ENOX2: variants seen among roughly 807,000 people sequenced by gnomAD.
The protein encoded by ENOX2 is APK1 antigen.
A neutral mutation model predicts 45.0 loss-of-function variants in ENOX2; 36 were observed. The ratio of observed to expected loss-of-function variants is 0.80; its 90% CI spans 0.61 to 1.06. The LOEUF is 1.06. Among genes scored for constraint, ENOX2 ranks in the 50% least tolerant of loss-of-function variants. The probability of loss-of-function intolerance (pLI) is 0.00; values close to 1 mark genes in which losing one functional copy is unlikely to be tolerated. For missense variants in ENOX2, 423 were observed against 462.5 expected (o/e 0.91, Z 0.78); for synonymous variants, 174 against 152.3 (o/e 1.14, Z -1.05).
intron 10 of ENOX2, among the ~76,000 whole-genome samples, chrX:130,647,524 C>T (rs1359012463): frequency 9.0e-6 from 1 of 111,415 alleles, no homozygotes; most frequent in Admixed American, 9.5e-5. Flanking sequence ...ATAAAGCACT[C>T]CCCATTTTTC....
At chrX:130,848,749 T>C (rs985864710) in intron 2 of ENOX2, among the ~76,000 whole-genome samples, 18 of 111,277 alleles carry the variant, frequency 1.6e-4, no homozygotes, top group Admixed American at 9.6e-5. Context: ...TGAACCAAGA[T>C]TGTGCCACTG....
At chrX:130,807,142 C>T (rs1387561497) in intron 2 of ENOX2, among the ~76,000 whole-genome samples, 1 of 112,113 alleles carries the variant, frequency 8.9e-6, no homozygotes, top group Non-Finnish European at 1.9e-5. Flanking sequence ...AAGCAAAATG[C>T]CACTGTGAAA....
At position 130,709,176 on chromosome X, in the gene ENOX2, C is replaced by T. The variant is rs72614149; in HGVS notation, c.-38-5922G>A. ...TACTGTGACTAGCTCAAAGTAGGTG[C>T]CAATAAGTGTGTTTTTAAATAAGAG... On this transcript the variant is annotated intron_variant, in intron 3 of 14. Transcript: ENST00000394363. 7.6e-4 allele frequency: 717 copies of T among 946,992 alleles called. 6 individuals are homozygous for T. The East Asian group carries it at 0.019, about 26-fold the overall frequency. The allele number at this position is 946,992 out of a possible 1,213,427, so 78.0% of individuals were successfully genotyped here. A position where few individuals can be genotyped will look rare whatever the true frequency, so the allele number is the denominator to read the frequency against.
chrX:130,803,403 G>A (rs183584667), intron 2 of ENOX2, among the ~76,000 whole-genome samples: 170 of 111,540 alleles, frequency 1.5e-3, no homozygotes, highest in Non-Finnish European at 2.4e-3. Flanking sequence ...TACTTCCATT[G>A]CTTCCTGGAC....
intron 2 of ENOX2, among the ~76,000 whole-genome samples, chrX:130,791,535 G>A (rs922241717): frequency 5.4e-5 from 6 of 111,774 alleles, no homozygotes; most frequent in Non-Finnish European, 9.4e-5. Flanking sequence ...GGCAGCAGTG[G>A]TCAGCTGCGG....
At chrX:130,854,416 CAAT>C in intron 2 of ENOX2, among the ~76,000 whole-genome samples, 1 of 111,420 alleles carries the variant, frequency 9.0e-6, no homozygotes, top group East Asian at 2.8e-4. Flanking sequence ...ACGTGTAGCA[CAAT>C]AACAACAGAT....
intron 10 of ENOX2, among the ~76,000 whole-genome samples, chrX:130,644,867 A>C (rs1471188411): frequency 9.0e-6 from 1 of 111,641 alleles, no homozygotes; most frequent in Non-Finnish European, 1.9e-5. Context: ...TGCAAGACCA[A>C]GAATGAACCC....
intron 10 of ENOX2, among the ~76,000 whole-genome samples, chrX:130,653,206 T>C (rs986274912): frequency 4.5e-5 from 5 of 112,126 alleles, no homozygotes; most frequent in African/African-American, 1.6e-4. Flanking sequence ...ACCATTTTTG[T>C]CTCAGTTCCT....
chrX:130,872,220 GT>G (rs1301663581), intron 2 of ENOX2, among the ~76,000 whole-genome samples: 5 of 112,182 alleles, frequency 4.5e-5, no homozygotes, highest in African/African-American at 1.6e-4. Context: ...GTTTTGTTCT[GT>G]TTTATTTTGT....
chrX:130,860,738 A>T (rs757314304), intron 2 of ENOX2, among the ~76,000 whole-genome samples: 4 of 111,765 alleles, frequency 3.6e-5, no homozygotes, highest in Non-Finnish European at 3.8e-5. Flanking sequence ...TTACTGAAGC[A>T]ACTTCCTATC....
At chrX:130,740,628 G>T (rs1436529039) in intron 3 of ENOX2, among the ~76,000 whole-genome samples, 1 of 111,346 alleles carries the variant, frequency 9.0e-6, no homozygotes, top group Non-Finnish European at 1.9e-5. Context: ...TATGGGAAGA[G>T]AACAGCATGA....
intron 5 of ENOX2, 22 bp downstream of exon 5, chrX:130,688,841 G>A (rs764930416): frequency 1.4e-4 from 158 of 1,150,099 alleles, no homozygotes; most frequent in Non-Finnish European, 1.8e-4. Flanking sequence ...TGTCTTGTGT[G>A]GAGAAAAAAG....
chrX:130,739,329 C>T, intron 3 of ENOX2, among the ~76,000 whole-genome samples: 1 of 112,370 alleles, frequency 8.9e-6, no homozygotes. Flanking sequence ...TTTTGCTTAA[C>T]TGTGGACTAA....
At chrX:130,677,269 T>G (rs2037178101) in intron 6 of ENOX2, among the ~76,000 whole-genome samples, 1 of 112,088 alleles carries the variant, frequency 8.9e-6, no homozygotes, top group Non-Finnish European at 1.9e-5. Flanking sequence ...AGTGTGTGTA[T>G]CATATCAGTG....
At chrX:130,837,493 GA>G (rs2077948313) in intron 2 of ENOX2, among the ~76,000 whole-genome samples, 1 of 112,004 alleles carries the variant, frequency 8.9e-6, no homozygotes. Flanking sequence ...CCCAGTAAAA[GA>G]ATCTCATTCA....
At chrX:130,702,859 T>C (rs1440358238) in intron 4 of ENOX2, among the ~76,000 whole-genome samples, 1 of 111,797 alleles carries the variant, frequency 8.9e-6, no homozygotes, top group Non-Finnish European at 1.9e-5. Flanking sequence ...CAAAATCCTG[T>C]TGCCTTGTAT....
At chrX:130,663,120 G>C (rs749222429) in intron 9 of ENOX2, among the ~76,000 whole-genome samples, 7 of 112,713 alleles carry the variant, frequency 6.2e-5, no homozygotes, top group African/African-American at 2.3e-4. Flanking sequence ...CGCTAGATAA[G>C]TAGGCTTGAA....
chrX:130,755,735 C>T (rs1329560654), intron 3 of ENOX2, among the ~76,000 whole-genome samples: 2 of 111,156 alleles, frequency 1.8e-5, no homozygotes, highest in Non-Finnish European at 3.8e-5. Flanking sequence ...TTACAAGCAA[C>T]CAAACCACAC....
chrX:130,851,572 T>A (rs1169620344), intron 2 of ENOX2, among the ~76,000 whole-genome samples: 1 of 110,533 alleles, frequency 9.0e-6, no homozygotes, highest in African/African-American at 3.3e-5. Flanking sequence ...TAGAGAGATA[T>A]CGAACTAATA....
Sources: allele counts gnomAD v4.1 joint callset (sites outside exome capture counted in the v4.1 genomes callset), GRCh38; gene constraint gnomAD v4.1.1; transcripts MANE v1.5; gene names NCBI Gene and HGNC (gene_info 2026-07-23, HGNC 2026-07-21).